LRFN2: variants seen among roughly 807,000 people sequenced by gnomAD.
LRFN2 encodes the protein leucine-rich repeat and fibronectin type-III domain-containing protein 2.
In LRFN2, 18 loss-of-function variants were observed where a neutral mutation model predicts 37.3. The ratio of observed to expected loss-of-function variants is 0.48; its 90% CI spans 0.33 to 0.72. The LOEUF is 0.72. Ranked by LOEUF, LRFN2 falls within the 30% of genes least tolerant of loss-of-function variation. LRFN2 has a pLI of 0.02. For synonymous variants in LRFN2, 556 were observed against 466.6 expected (o/e 1.19, Z -2.47); for missense variants, 1,006 against 1,060.7 (o/e 0.95, Z 0.72).
intron 2 of LRFN2, among the ~76,000 whole-genome samples, chr6:40,394,125 T>A (rs964111008): frequency 6.6e-6 from 1 of 152,100 alleles, no homozygotes; most frequent in African/African-American, 2.4e-5. Context: ...GAGGGTCTGA[T>A]GGGGAAGCAC....
intron 1 of LRFN2, among the ~76,000 whole-genome samples, chr6:40,534,554 G>A (rs545770666): frequency 8.5e-5 from 13 of 152,234 alleles, no homozygotes; most frequent in Admixed American, 2.0e-4. Context: ...ATATGGAACT[G>A]TCCTGTGCTT....
chr6:40,396,320 C>T (rs1003702939), intron 2 of LRFN2, among the ~76,000 whole-genome samples: 4 of 152,174 alleles, frequency 2.6e-5, no homozygotes, highest in African/African-American at 9.7e-5. Flanking sequence ...AGTTTGGCTC[C>T]AGGGCCTCCG....
chr6:40,417,160 C>A (rs1763112514), intron 2 of LRFN2, among the ~76,000 whole-genome samples: 1 of 152,220 alleles, frequency 6.6e-6, no homozygotes, highest in African/African-American at 2.4e-5. Flanking sequence ...ACAATCAAAG[C>A]TTGAGGGAGG....
intron 1 of LRFN2, among the ~76,000 whole-genome samples, chr6:40,539,249 G>A (rs1164786210): frequency 4.6e-5 from 7 of 152,196 alleles, no homozygotes; most frequent in Non-Finnish European, 7.3e-5. Flanking sequence ...GAGCCTTGAA[G>A]TGACCTTCCC....
At chr6:40,519,506 C>T (rs1765987489) in intron 1 of LRFN2, among the ~76,000 whole-genome samples, 2 of 152,240 alleles carry the variant, frequency 1.3e-5, no homozygotes, top group African/African-American at 4.8e-5. Context: ...TTCCAGGCTT[C>T]AGATTCAAGA....
rs10947888 is a variant in LRFN2 at position 40,446,899 on chromosome 6, A to G, written c.-18-13768T>C. The stretch of plus-strand genomic sequence containing the variant: ...TCAGACTGGGGCTTCCTGAGGATGG[A>G]GCTGTGTCTCCCTCAGACTGGGGCT... On this transcript the variant is annotated intron_variant, in intron 1 of 2. Coordinates refer to ENST00000338305, the MANE Select transcript of LRFN2 (RefSeq NM_020737.3). 9.7e-4 allele frequency among the ~76,000 whole-genome samples: 15 copies of G among 15,498 alleles called. No individual in the cohort carries two copies. The East Asian group carries it at 0.027, about 28-fold the overall frequency. 10.2% of individuals were successfully genotyped at this position (15,498 alleles called of 152,430 possible).
At chr6:40,496,332 C>T (rs923146293) in intron 1 of LRFN2, among the ~76,000 whole-genome samples, 1 of 152,172 alleles carries the variant, frequency 6.6e-6, no homozygotes, top group Non-Finnish European at 1.5e-5. Flanking sequence ...CCCATCTAAA[C>T]CGGAATCAGG....
chr6:40,440,819 G>A (rs138102730), intron 1 of LRFN2, among the ~76,000 whole-genome samples: 1 of 152,224 alleles, frequency 6.6e-6, no homozygotes, highest in Non-Finnish European at 1.5e-5. Flanking sequence ...ATGTATGTGG[G>A]CCTCCTTCCT....
At chr6:40,558,898 C>T (rs1202458711) in intron 1 of LRFN2, among the ~76,000 whole-genome samples, 2 of 152,294 alleles carry the variant, frequency 1.3e-5, no homozygotes, top group East Asian at 1.9e-4. Context: ...CGGGCTTGCC[C>T]GTGACACTGT....
At chr6:40,452,078 A>C (rs1764123345) in intron 1 of LRFN2, among the ~76,000 whole-genome samples, 1 of 152,172 alleles carries the variant, frequency 6.6e-6, no homozygotes, top group Non-Finnish European at 1.5e-5. Flanking sequence ...AAGGAGAAAC[A>C]AAGGCACAGG....
intron 1 of LRFN2, among the ~76,000 whole-genome samples, chr6:40,455,229 A>ATATT (rs1170811146): frequency 1.3e-5 from 2 of 152,026 alleles, no homozygotes; most frequent in Non-Finnish European, 2.9e-5. Context: ...GCTTTCTGTC[A>ATATT]CTCCTCAATA....
In LRFN2 at chr6:40,432,056, T is replaced by C. The variant is rs1260638648; in HGVS notation, c.1058A>G (p.Asp353Gly). The change falls in exon 2 of 3, where the codon GAC becomes GGC. Residue 353 changes from aspartate (D) to glycine (G), a missense_variant. Asp to Gly is a moderately conservative substitution (Grantham distance 94). Around this residue, in one of 4 missense-constraint regions of LRFN2, gnomAD observed 303 missense variants for 299.8 expected, o/e 1.01. Transcript: ENST00000338305. ...TLDIFITTSQDSGAFTCIAAN... is the reference protein window; with the variant it reads ...TLDIFITTSQGSGAFTCIAAN... ...AGCAATGCAGGTGAAGGCACCACTGTCCTGAGATGTGGTGATGAAGATGTC... is the reference window on the plus strand; with the variant it reads ...AGCAATGCAGGTGAAGGCACCACTGCCCTGAGATGTGGTGATGAAGATGTC... 1.2e-6 allele frequency: 2 copies of C among 1,613,920 alleles called. No homozygotes were observed. Among genetic ancestry groups the C allele is most frequent in the Non-Finnish European group, 1.7e-6 (2 of 1,180,020 alleles).
At chr6:40,404,504 T>G (rs2113799597) in intron 2 of LRFN2, among the ~76,000 whole-genome samples, 1 of 152,354 alleles carries the variant, frequency 6.6e-6, no homozygotes, top group Non-Finnish European at 1.5e-5. Context: ...ATTTAGTTTC[T>G]GAGTCATAAC....
At chr6:40,585,947 C>T (rs1000179249) in intron 1 of LRFN2, among the ~76,000 whole-genome samples, 6 of 152,192 alleles carry the variant, frequency 3.9e-5, no homozygotes, top group African/African-American at 1.4e-4. Flanking sequence ...AGTGCAGGCT[C>T]TGACATGTTC....
rs1452298581 is a variant in LRFN2 at position 40,587,046 on chromosome 6, C to G, written c.-124G>C. Reference sequence around the variant, plus strand: ...CGCATCCTTCCCCGCCCGAGACAGACTCGAGCTAAACCCTCCGGCGGCTCC... The same window carrying G: ...CGCATCCTTCCCCGCCCGAGACAGAGTCGAGCTAAACCCTCCGGCGGCTCC... On this transcript the variant is annotated 5_prime_UTR_variant, in exon 1 of 3. Coordinates refer to ENST00000338305, the MANE Select transcript of LRFN2 (RefSeq NM_020737.3). The surrounding 1 kb of genome is among the most constrained non-coding windows in gnomAD (Gnocchi z 4.2). 6.6e-6 allele frequency: 1 copy of G among 152,224 alleles called. No homozygotes were observed. The highest frequency in any genetic ancestry group is 6.5e-5 in the Admixed American group (1 of 15,288). The allele number at this position is 152,224 out of a possible 1,614,324, so 9.4% of individuals were successfully genotyped here.
At chr6:40,411,373 G>A (rs1242823601) in intron 2 of LRFN2, among the ~76,000 whole-genome samples, 4 of 152,228 alleles carry the variant, frequency 2.6e-5, no homozygotes, top group Non-Finnish European at 4.4e-5. Context: ...GTGTAGGTAC[G>A]TATGTGAGTG....
chr6:40,438,250 T>C (rs1763739097), intron 1 of LRFN2, among the ~76,000 whole-genome samples: 1 of 152,160 alleles, frequency 6.6e-6, no homozygotes, highest in African/African-American at 2.4e-5. Flanking sequence ...GTCTTGGGCA[T>C]TTACCCAGGA....
chr6:40,398,214 T>C (rs1349965521), intron 2 of LRFN2, among the ~76,000 whole-genome samples: 2 of 151,736 alleles, frequency 1.3e-5, no homozygotes, highest in South Asian at 2.1e-4. Flanking sequence ...ACCCACCAGA[T>C]GCCAGAACAC....
rs138850820 is a variant in LRFN2 at position 40,432,317 on chromosome 6, C to A, written c.797G>T (p.Gly266Val). 1.4e-4 allele frequency: 223 copies of A among 1,614,152 alleles called. 1 individual carries two copies. The East Asian group carries it at 4.5e-3, about 32-fold the overall frequency. ...LERDDDLETCGSPGGLKGRYF... is the reference protein window; with the variant it reads ...LERDDDLETCVSPGGLKGRYF... The stretch of plus-strand genomic sequence containing the variant: ...GCGACCCTTGAGGCCCCCTGGGGAG[C>A]CACAGGTTTCCAGGTCATCGTCCCG... The change falls in exon 2 of 3, where the codon GGC (glycine) becomes GTC (valine). Residue 266 changes from glycine (G) to valine (V), a missense_variant. Around this residue, in one of 4 missense-constraint regions of LRFN2, gnomAD observed 303 missense variants for 299.8 expected, o/e 1.01. Transcript: ENST00000338305.
Sources: gnomAD v4.1 joint callset for allele counts (sites outside exome capture counted in the v4.1 genomes callset) on GRCh38, gnomAD v4.1.1 for gene constraint, gnomAD v4.1.1 regional missense constraint, Gnocchi (gnomAD v3.1) non-coding constraint, MANE v1.5 for transcripts, NCBI Gene and HGNC (gene_info 2026-07-23, HGNC 2026-07-21) for gene names.